CDH18: variants seen among roughly 807,000 people sequenced by gnomAD.
CDH18 encodes the protein cadherin 18, also known as cadherin-18.
CDH18 carries 31 observed loss-of-function variants against 67.9 expected under a neutral mutation model. The observed-to-expected ratio is 0.46, with a 90% CI of 0.34 to 0.62. The LOEUF is 0.62. CDH18 is among the 20% of genes least tolerant of loss of function. The pLI is 0.01. For synonymous variants in CDH18, 362 were observed against 347.2 expected, an observed-to-expected ratio of 1.04 and a Z score of -0.48; for missense variants, 890 against 975.5, an observed-to-expected ratio of 0.91 and a Z score of 1.17.
chr5:20,302,437 A>G (rs1365444367), intron 1 of CDH18, among the ~76,000 whole-genome samples: 4 of 152,130 alleles, frequency 2.6e-5, no homozygotes, highest in African/African-American at 9.7e-5. Context: ...CTAGGTGCCT[A>G]CTATCGCTAT....
intron 1 of CDH18, among the ~76,000 whole-genome samples, chr5:20,505,923 G>T (rs1164359304): frequency 6.6e-6 from 1 of 152,178 alleles, no homozygotes; most frequent in African/African-American, 2.4e-5. Context: ...TGGCCCATCA[G>T]TTAGGACACC....
intron 5 of CDH18, among the ~76,000 whole-genome samples, chr5:19,711,643 T>A (rs1764717314): frequency 1.1e-5 from 1 of 91,120 alleles, no homozygotes; most frequent in Non-Finnish European, 2.2e-5. Context: ...TGACTGTTAG[T>A]ATAAAGTAAA....
At chr5:19,896,027 T>C (rs1029441267) in intron 2 of CDH18, among the ~76,000 whole-genome samples, 2 of 141,854 alleles carry the variant, frequency 1.4e-5, no homozygotes, top group Admixed American at 7.1e-5. Flanking sequence ...GAAAAAAAAA[T>C]GGTCCTTGCA....
intron 2 of CDH18, among the ~76,000 whole-genome samples, chr5:20,204,652 C>T (rs897044870): frequency 1.3e-4 from 19 of 151,738 alleles, no homozygotes; most frequent in Middle Eastern, 3.2e-3. Flanking sequence ...TAGAATGAAG[C>T]CTAAAAGAGA....
At chr5:19,755,320 G>T (rs950020395) in intron 3 of CDH18, among the ~76,000 whole-genome samples, 1 of 147,864 alleles carries the variant, frequency 6.8e-6, no homozygotes, top group Non-Finnish European at 1.5e-5. Context: ...AAATAACCTC[G>T]GTAAGAAATG....
chr5:20,305,103 A>T, intron 1 of CDH18: 9 of 1,564,570 alleles, frequency 5.8e-6, no homozygotes, highest in Non-Finnish European at 7.9e-6. Flanking sequence ...GGCCATTTGC[A>T]GCAAGAGAAC....
intron 1 of CDH18, among the ~76,000 whole-genome samples, chr5:20,429,075 C>CT (rs71599752): frequency 7.9e-4 from 116 of 146,848 alleles, no homozygotes; most frequent in African/African-American, 1.3e-3. Context: ...GCTGATACCT[C>CT]TTTTTTTTTT....
In CDH18 at chr5:20,323,255, A is replaced by C. The variant is rs183631261; in HGVS notation, c.-579-67750T>G. Among the ~76,000 whole-genome samples, 197 of 152,230 alleles carry C rather than the reference A, an allele frequency of 1.3e-3. 1 individual carries two copies. The highest frequency in any genetic ancestry group is 4.4e-3 in the African/African-American group (185 of 41,578). ...AGTACAGCCTTAAGTACATTATACT[A>C]ATATTAGATTGGTCCCTTGTCTCTA... On this transcript the variant is annotated intron_variant, in intron 1 of 14. Coordinates refer to the CDH18 transcript ENST00000507958.
intron 2 of CDH18, among the ~76,000 whole-genome samples, chr5:20,070,024 C>T (rs9292857): frequency 0.98 from 149,782 of 152,256 alleles, 73,728 homozygotes; most frequent in Middle Eastern, 1. Context: ...GCAAAGTCTT[C>T]TCACTGCCCT....
intron 2 of CDH18, among the ~76,000 whole-genome samples, chr5:19,951,419 A>G (rs1017921653): frequency 1.3e-5 from 2 of 152,130 alleles, no homozygotes; most frequent in Non-Finnish European, 2.9e-5. Flanking sequence ...TTTTTCTCTA[A>G]CAAATATGTA....
rs1485667160 is a variant in CDH18, at chr5:20,018,987, C to T, written c.-517-26973G>A. Among the ~76,000 whole-genome samples, 8 of 146,174 alleles carry T rather than the reference C, an allele frequency of 5.5e-5. 1 individual carries two copies. Among genetic ancestry groups the T allele is most frequent in the East Asian group, 5.3e-4 (2 of 3,786 alleles). On this transcript the variant is annotated intron_variant, in intron 2 of 14. Coordinates refer to the CDH18 transcript ENST00000507958. ...TTTTTTTTTGTATTTTTAGTAGAGA[C>T]GGGGTTTCACCGTGTTAGCCAGGAT... is the stretch of plus-strand genomic sequence containing the variant.
intron 2 of CDH18, among the ~76,000 whole-genome samples, chr5:19,951,446 T>C (rs1795774895): frequency 1.3e-5 from 2 of 152,276 alleles, no homozygotes; most frequent in East Asian, 1.9e-4. Context: ...TAATTGACAG[T>C]ATCTATTTGA....
At chr5:19,984,824 T>C (rs1010606743) in intron 1 of CDH18, among the ~76,000 whole-genome samples, 1 of 152,194 alleles carries the variant, frequency 6.6e-6, no homozygotes, top group Admixed American at 6.5e-5. Flanking sequence ...TTCTTTTCCA[T>C]TGTGCTACAC....
chr5:20,086,425 AC>A (rs1310974984), intron 2 of CDH18, among the ~76,000 whole-genome samples: 2 of 152,244 alleles, frequency 1.3e-5, no homozygotes, highest in African/African-American at 4.8e-5. Flanking sequence ...AAATGTAGCT[AC>A]ACTAAACAAC....
chr5:19,844,245 C>A (rs1022985546), intron 2 of CDH18, among the ~76,000 whole-genome samples: 1 of 152,172 alleles, frequency 6.6e-6, no homozygotes, highest in Non-Finnish European at 1.5e-5. Flanking sequence ...CAAATCTCAT[C>A]TTGAATTCTA....
intron 2 of CDH18, among the ~76,000 whole-genome samples, chr5:20,252,630 T>C (rs959436150): frequency 6.6e-5 from 10 of 151,980 alleles, no homozygotes. Flanking sequence ...TGGTCCTATG[T>C]CTTATGACAT....
intron 8 of CDH18, among the ~76,000 whole-genome samples, chr5:19,550,178 AG>A (rs1314596186): frequency 6.6e-6 from 1 of 152,172 alleles, no homozygotes; most frequent in Non-Finnish European, 1.5e-5. Flanking sequence ...TTCATGTAGT[AG>A]GTAGGAAAGA....
chr5:20,230,114 G>A (rs1472354691), intron 2 of CDH18, among the ~76,000 whole-genome samples: 1 of 152,026 alleles, frequency 6.6e-6, no homozygotes, highest in Admixed American at 6.6e-5. Context: ...GTCCTTTATG[G>A]TCTAGGTTGT....
intron 2 of CDH18, among the ~76,000 whole-genome samples, chr5:19,908,928 T>TA (rs1220054540): frequency 1.2e-4 from 18 of 152,170 alleles, no homozygotes; most frequent in African/African-American, 4.1e-4. Context: ...GTGCAGTGGA[T>TA]AAGAGCCAAA....
Sources: gnomAD v4.1 joint callset for allele counts (sites outside exome capture counted in the v4.1 genomes callset) on GRCh38, gnomAD v4.1.1 for gene constraint, MANE v1.5 for transcripts, NCBI Gene and HGNC (gene_info 2026-07-23, HGNC 2026-07-21) for gene names.